The following CDC25A variants were observed in gnomAD, a reference collection of about 807,000 sequenced individuals.
CDC25A encodes cell division cycle 25A.
Under a neutral mutation model 64.6 loss-of-function variants are expected in CDC25A, and 17 were observed. That is an observed-to-expected ratio of 0.26 (90% CI 0.18 to 0.39). The LOEUF is 0.39. CDC25A is among the 10% of genes least tolerant of loss of function. The pLI, the probability that CDC25A is intolerant of heterozygous loss-of-function variation, is 1.00. For synonymous variants in CDC25A, 229 were observed against 238.6 expected, an observed-to-expected ratio of 0.96 and a Z score of 0.37; for missense variants, 473 against 654.8, an observed-to-expected ratio of 0.72 and a Z score of 3.03.
At chr3:48,168,492 G>A (rs2032139639) in intron 9 of CDC25A, among the ~76,000 whole-genome samples, 1 of 151,808 alleles carries the variant, frequency 6.6e-6, no homozygotes, top group South Asian at 2.1e-4. Context: ...GGGAGGTCGA[G>A]GCTACAGCAA....
intron 9 of CDC25A, among the ~76,000 whole-genome samples, chr3:48,170,713 A>G (rs978940106): frequency 4.6e-5 from 7 of 152,250 alleles, no homozygotes; most frequent in Non-Finnish European, 7.3e-5. Context: ...GGTGGGGCTG[A>G]AAGTTCCAAC....
chr3:48,165,272 C>T (rs562943914), intron 12 of CDC25A, among the ~76,000 whole-genome samples: 4 of 152,070 alleles, frequency 2.6e-5, no homozygotes, highest in Non-Finnish European at 5.9e-5. Flanking sequence ...AGATGGTCTT[C>T]TCCTCATCAG....
At chr3:48,172,220 A>G (rs1575265613) in intron 9 of CDC25A, among the ~76,000 whole-genome samples, 1 of 152,312 alleles carries the variant, frequency 6.6e-6, no homozygotes, top group Middle Eastern at 3.4e-3. Flanking sequence ...AAACAAAAAT[A>G]CTATGCAATT....
At chr3:48,163,283 CAAAAA>C (rs753999679) in intron 13 of CDC25A, among the ~76,000 whole-genome samples, 5 of 90,290 alleles carry the variant, frequency 5.5e-5, no homozygotes, top group Non-Finnish European at 4.8e-5. Context: ...GCCTCCGCCT[CAAAAA>C]AAAAAAAAAA....
Position 48,158,964 on chromosome 3 carries a change from C to G in CDC25A, c.1556G>C (p.Ser519Thr), listed in dbSNP as rs768305047. 2.5e-6 allele frequency: 4 copies of G among 1,614,176 alleles called. No homozygotes were observed. Among genetic ancestry groups the G allele is most frequent in the Non-Finnish European group, 3.4e-6 (4 of 1,180,028 alleles). Residue 519 changes from serine to threonine, a missense_variant, in exon 15 of 15, where the codon AGT becomes ACT. Physicochemically the swap from Ser to Thr is moderately conservative, Grantham distance 58 (BLOSUM62 1). Transcript: ENST00000302506. ...CCGCCCTCAGAGCTTCTTCAGACGA[C>G]TGTACATCTCCCTCTTGCTCTTCTC... ...AGEKSKREMY[S>T]RLKKL
Position 48,159,364 on chromosome 3 carries a change from C to T in CDC25A, c.1414G>A (p.Glu472Lys). The change falls in exon 14 of 15, where the codon GAG (glutamate) becomes AAG (lysine). Residue 472 changes from glutamate to lysine, a missense_variant. Coordinates refer to ENST00000302506, the MANE Select transcript of CDC25A (RefSeq NM_001789.3). ...CTTACCTGGCATTTCATAAAGAACTCCTTGTATCCCCCCTTCAGGACATAC... is the reference window on the plus strand; with the variant it reads ...CTTACCTGGCATTTCATAAAGAACTTCTTGTATCCCCCCTTCAGGACATAC... The part of the protein sequence containing the change: ...ELYVLKGGYK[E>K]FFMKCQSYCE... 2 of 1,613,178 alleles carry T rather than the reference C, an allele frequency of 1.2e-6. No individual in the cohort carries two copies. The highest frequency in any genetic ancestry group is 1.7e-6 in the Non-Finnish European group (2 of 1,179,182).
intron 12 of CDC25A, among the ~76,000 whole-genome samples, chr3:48,165,107 CAAAAAA>C (rs11370901): frequency 1.2e-5 from 1 of 84,970 alleles, no homozygotes; most frequent in Non-Finnish European, 2.3e-5. Context: ...GACTCTGTCT[CAAAAAA>C]AAAAAAAAAA....
chr3:48,159,236 C>A, intron 14 of CDC25A, 108 bp downstream of exon 14: 1 of 1,256,438 alleles, frequency 8.0e-7, no homozygotes, highest in South Asian at 1.4e-5. Flanking sequence ...AGCAGATACC[C>A]ACCTTGTCCC....
At position 48,158,129 on chromosome 3, in the gene CDC25A, G is replaced by A. The variant is rs1271014293; in HGVS notation, c.*816C>T. ...ATACCAGCCAATGTCATGGAACTGG[G>A]GTGAGGAAGAACAGGGCCACACCTC... On this transcript the variant is annotated 3_prime_UTR_variant, in exon 15 of 15. Transcript: ENST00000302506. 1 of 152,552 alleles carries A rather than the reference G, an allele frequency of 6.6e-6. No individual in the cohort carries two copies. Among genetic ancestry groups the A allele is most frequent in the African/African-American group, 2.4e-5 (1 of 41,412 alleles). The allele number at this position is 152,552 out of a possible 1,614,324, so 9.4% of individuals were successfully genotyped here. A position where few individuals can be genotyped will look rare whatever the true frequency, so the allele number is the denominator to read the frequency against.
At chr3:48,173,238 T>A (rs1014396485) in intron 9 of CDC25A, among the ~76,000 whole-genome samples, 10 of 151,646 alleles carry the variant, frequency 6.6e-5, no homozygotes, top group Non-Finnish European at 1.5e-4. Context: ...GACAGACCTT[T>A]ATAAAAATCA....
intron 13 of CDC25A, 36 bp downstream of exon 13, chr3:48,164,270 GC>G (rs2031910462): frequency 2.0e-6 from 3 of 1,472,676 alleles, no homozygotes. Context: ...GCATCATGGA[GC>G]CTGTGCCCCA....
chr3:48,174,428 A>C lies in CDC25A; in HGVS notation c.786T>G (p.Pro262=). The C allele has an allele frequency of 6.2e-7, 1 of 1,612,882 alleles. No individual in the cohort carries two copies. Among genetic ancestry groups the C allele is most frequent in the Non-Finnish European group, 8.5e-7 (1 of 1,179,624 alleles). ...ACCGAGTGCTGGAGCTACACAGGGA[A>C]GGGGAGTCAAACAGCTTGCATCGGT... is the stretch of plus-strand genomic sequence containing the variant. ...LDNRCKLFDS[P]SLCSSSTRSV... is the part of the protein sequence containing the mutation. The change falls in exon 9 of 15, where the codon CCT becomes CCG. Residue 262 remains proline, a synonymous_variant. Coordinates refer to ENST00000302506, the MANE Select transcript of CDC25A (RefSeq NM_001789.3).
intron 9 of CDC25A, 37 bp from the exon 10 acceptor site, chr3:48,167,981 T>G: frequency 1.6e-6 from 2 of 1,287,180 alleles, no homozygotes; most frequent in Non-Finnish European, 2.3e-6. Flanking sequence ...AGACAAGGGT[T>G]CTGAATGGAA....
chr3:48,171,748 C>T (rs1015687538), intron 9 of CDC25A, among the ~76,000 whole-genome samples: 1 of 152,104 alleles, frequency 6.6e-6, no homozygotes, highest in African/African-American at 2.4e-5. Flanking sequence ...AATGTTCTTG[C>T]CCTTATAACC....
intron 3 of CDC25A, 110 bp from the exon 4 acceptor site, chr3:48,183,946 C>T (rs1056358954): frequency 9.7e-5 from 59 of 608,836 alleles, no homozygotes; most frequent in Non-Finnish European, 1.6e-4. Flanking sequence ...TCACAGACTC[C>T]CATTTTAGGC....
At chr3:48,169,520 A>ATAT (rs2032184642) in intron 9 of CDC25A, among the ~76,000 whole-genome samples, 1 of 152,220 alleles carries the variant, frequency 6.6e-6, no homozygotes, top group South Asian at 2.1e-4. Context: ...AAATGACTTG[A>ATAT]GCTCTTCAAC....
intron 13 of CDC25A, among the ~76,000 whole-genome samples, chr3:48,160,124 T>C (rs2031686697): frequency 6.6e-6 from 1 of 152,136 alleles, no homozygotes; most frequent in East Asian, 1.9e-4. Flanking sequence ...AGCACCTTCT[T>C]TTTTCTGAGA....
In CDC25A at chr3:48,174,270, C is replaced by T; in HGVS notation, c.930+14G>A. On this transcript the variant is annotated intron_variant, in intron 9 of 14. Transcript: ENST00000302506. ...GTATCTGTGCTAGAGCAAAAAGGAA[C>T]CTAGGAAACTAACCTCATGGGCCTT... 1 of 1,598,064 alleles carries T rather than the reference C, an allele frequency of 6.3e-7. No homozygotes were observed. Among genetic ancestry groups the T allele is most frequent in the Non-Finnish European group, 8.5e-7 (1 of 1,175,208 alleles).
At chr3:48,168,664 C>T (rs2032151907) in intron 9 of CDC25A, among the ~76,000 whole-genome samples, 1 of 146,926 alleles carries the variant, frequency 6.8e-6, no homozygotes, top group Non-Finnish European at 1.5e-5. Context: ...CTCGCTCTGT[C>T]GCTCAGGCTG....
Sources: gnomAD v4.1 joint callset for allele counts (sites outside exome capture counted in the v4.1 genomes callset) on GRCh38, gnomAD v4.1.1 for gene constraint, MANE v1.5 for transcripts, NCBI Gene and HGNC (gene_info 2026-07-23, HGNC 2026-07-21) for gene names.